The following ADGRL3 variants were observed in gnomAD, a reference collection of about 807,000 sequenced individuals.
The protein encoded by ADGRL3 is calcium-independent alpha-latrotoxin receptor 3.
ADGRL3 carries 62 observed loss-of-function variants against 153.5 expected under a neutral mutation model. The ratio of observed to expected loss-of-function variants is 0.40; its 90% CI spans 0.33 to 0.50. The LOEUF (loss-of-function observed/expected upper bound fraction) is 0.50. Ranked by LOEUF, ADGRL3 falls within the 20% of genes least tolerant of loss-of-function variation. ADGRL3 has a pLI of 0.47. For synonymous variants in ADGRL3, 710 were observed against 672.5 expected, an observed-to-expected ratio of 1.06 and a Z score of -0.86; for missense variants, 1,641 against 1,859.4, an observed-to-expected ratio of 0.88 and a Z score of 2.16.
chr4:61,546,452 G>A (rs1200916266), intron 4 of ADGRL3, among the ~76,000 whole-genome samples: 1 of 151,992 alleles, frequency 6.6e-6, no homozygotes, highest in Non-Finnish European at 1.5e-5. Context: ...GCAATATAAG[G>A]AAATATAATA....
At chr4:61,266,844 A>G (rs1411963662) in intron 1 of ADGRL3, among the ~76,000 whole-genome samples, 1 of 151,764 alleles carries the variant, frequency 6.6e-6, no homozygotes, top group Non-Finnish European at 1.5e-5. Flanking sequence ...ATTCTTTAAT[A>G]GTAAAATCAT....
At chr4:62,045,480 C>T (rs9312086) in intron 25 of ADGRL3, among the ~76,000 whole-genome samples, 1 of 151,770 alleles carries the variant, frequency 6.6e-6, no homozygotes, top group Non-Finnish European at 1.5e-5. Flanking sequence ...TTTGTTTTTA[C>T]CTTATTTCTG....
intron 11 of ADGRL3, among the ~76,000 whole-genome samples, chr4:61,900,870 G>T (rs1451885319): frequency 1.3e-5 from 2 of 152,132 alleles, no homozygotes; most frequent in African/African-American, 4.8e-5. Context: ...CCAACAAGTT[G>T]ACTCAGAGCC....
intron 2 of ADGRL3, among the ~76,000 whole-genome samples, chr4:61,454,842 A>T (rs2097716143): frequency 6.6e-6 from 1 of 152,116 alleles, no homozygotes; most frequent in African/African-American, 2.4e-5. Flanking sequence ...TAATTTACAA[A>T]TGAGAGTAGT....
intron 3 of ADGRL3, among the ~76,000 whole-genome samples, chr4:61,501,443 A>C (rs142002373): frequency 6.6e-6 from 1 of 152,180 alleles, no homozygotes; most frequent in African/African-American, 2.4e-5. Flanking sequence ...ATAGTGGTAA[A>C]CCCCTGAGCA....
intron 5 of ADGRL3, among the ~76,000 whole-genome samples, chr4:61,624,663 A>G (rs1289658737): frequency 6.6e-6 from 1 of 152,038 alleles, no homozygotes; most frequent in Non-Finnish European, 1.5e-5. Flanking sequence ...CCATAAAGTC[A>G]TTTTATATAG....
At chr4:61,989,935 T>C (rs1368507384) in intron 19 of ADGRL3, among the ~76,000 whole-genome samples, 1 of 152,062 alleles carries the variant, frequency 6.6e-6, no homozygotes, top group Non-Finnish European at 1.5e-5. Flanking sequence ...CCCTCATATA[T>C]TGCTGGTGGC....
intron 9 of ADGRL3, among the ~76,000 whole-genome samples, chr4:61,831,179 A>T (rs1445047824): frequency 1.3e-5 from 2 of 152,012 alleles, no homozygotes; most frequent in Admixed American, 6.5e-5. Flanking sequence ...GTGAGCCACC[A>T]CACCCGGCCT....
intron 9 of ADGRL3, among the ~76,000 whole-genome samples, chr4:61,828,956 A>G (rs2097841973): frequency 6.6e-6 from 1 of 152,094 alleles, no homozygotes; most frequent in Non-Finnish European, 1.5e-5. Flanking sequence ...CTCTAAAACT[A>G]TTTCTCGTGG....
chr4:61,829,214 A>G, intron 9 of ADGRL3, among the ~76,000 whole-genome samples: 1 of 152,198 alleles, frequency 6.6e-6, no homozygotes, highest in East Asian at 1.9e-4. Flanking sequence ...ATTATGTCAG[A>G]TATGATCATC....
At chr4:61,587,933 C>A (rs1254686660) in intron 5 of ADGRL3, among the ~76,000 whole-genome samples, 2 of 151,850 alleles carry the variant, frequency 1.3e-5, no homozygotes, top group East Asian at 3.9e-4. Flanking sequence ...TAAAAGTATT[C>A]TTTTGCTATT....
chr4:61,587,513 G>A, intron 5 of ADGRL3, 73 bp downstream of exon 5: 1 of 1,110,206 alleles, frequency 9.0e-7, no homozygotes, highest in South Asian at 1.5e-5. Flanking sequence ...TACATGTTAA[G>A]CATAAGAACA....
chr4:61,535,285 A>G (rs1603147), intron 4 of ADGRL3, among the ~76,000 whole-genome samples: 28,097 of 151,994 alleles, frequency 0.18, 3,221 homozygotes, highest in Middle Eastern at 0.26. Context: ...TCCTTGGAAT[A>G]AGACCCATTT....
At chr4:61,677,181 TA>T in intron 6 of ADGRL3, 1 of 402,208 alleles carries the variant, frequency 2.5e-6, no homozygotes, top group Non-Finnish European at 4.6e-6. Context: ...ACACTTTTCT[TA>T]ATTAATGCAA....
At chr4:61,370,998 C>G (rs1031134630) in intron 1 of ADGRL3, among the ~76,000 whole-genome samples, 1 of 150,886 alleles carries the variant, frequency 6.6e-6, no homozygotes, top group Non-Finnish European at 1.5e-5. Flanking sequence ...CCTTCTTTGT[C>G]TCTTTTGATC....
chr4:61,398,656 CCA>C (rs1057277209), intron 2 of ADGRL3, among the ~76,000 whole-genome samples: 2 of 151,310 alleles, frequency 1.3e-5, no homozygotes, highest in Non-Finnish European at 3.0e-5. Context: ...TTTTATCCTC[CCA>C]CTTCACTTAT....
intron 4 of ADGRL3, among the ~76,000 whole-genome samples, chr4:61,551,203 C>T (rs2098738876): frequency 6.6e-6 from 1 of 151,996 alleles, no homozygotes; most frequent in African/African-American, 2.4e-5. Context: ...CAAGTGTAAT[C>T]GCAATTATAC....
chr4:61,397,094 A>G (rs1439677915), intron 2 of ADGRL3, among the ~76,000 whole-genome samples: 1 of 151,810 alleles, frequency 6.6e-6, no homozygotes, highest in Non-Finnish European at 1.5e-5. Flanking sequence ...TGCAGTTTCT[A>G]GGACTTCAAT....
chr4:61,332,544 C>G (rs2150987384), intron 1 of ADGRL3, among the ~76,000 whole-genome samples: 1 of 152,114 alleles, frequency 6.6e-6, no homozygotes, highest in Non-Finnish European at 1.5e-5. Context: ...TATATGTCTC[C>G]TGAGTCCAGG....
Sources: allele counts gnomAD v4.1 joint callset (sites outside exome capture counted in the v4.1 genomes callset), GRCh38; gene constraint gnomAD v4.1.1; transcripts MANE v1.5; gene names NCBI Gene and HGNC (gene_info 2026-07-23, HGNC 2026-07-21).